The following PCNX2 variants were observed in gnomAD, a reference collection of about 807,000 sequenced individuals.
PCNX2 encodes the protein pecanex 2.
In PCNX2, 168 loss-of-function variants were observed where a neutral mutation model predicts 223.8. The observed-to-expected ratio is 0.75, with a 90% CI of 0.66 to 0.85. The LOEUF (loss-of-function observed/expected upper bound fraction) is 0.85, where lower values mean the gene tolerates loss of function less well. Among genes scored for constraint, PCNX2 ranks in the 40% least tolerant of loss-of-function variants. PCNX2 has a pLI of 0.00. For missense variants in PCNX2, 2,507 were observed against 2,675.5 expected (o/e 0.94, Z 1.39); for synonymous variants, 1,006 against 1,052.6 (o/e 0.96, Z 0.86).
rs777212395 is a variant in PCNX2, at chr1:232,983,596, C to T, written c.*708G>A. 2.0e-5 allele frequency: 3 copies of T among 152,218 alleles called. No homozygotes were observed. Among genetic ancestry groups the T allele is most frequent in the East Asian group, 1.9e-4 (1 of 5,200 alleles). The allele number at this position is 152,218 out of a possible 1,614,324, so 9.4% of individuals were successfully genotyped here. On this transcript the variant is annotated 3_prime_UTR_variant, in exon 34 of 34. Coordinates refer to ENST00000258229, the MANE Select transcript of PCNX2 (RefSeq NM_014801.4). Reference sequence around the variant, plus strand: ...TACAGTGAGGAGCATTGTGTGACTCCGCGGTGGATTTCCATGCACCGAATG... The same window carrying T: ...TACAGTGAGGAGCATTGTGTGACTCTGCGGTGGATTTCCATGCACCGAATG...
At chr1:233,155,100 T>C (rs1571983272) in intron 19 of PCNX2, among the ~76,000 whole-genome samples, 1 of 145,956 alleles carries the variant, frequency 6.9e-6, no homozygotes, top group Admixed American at 6.8e-5. Flanking sequence ...ATACAGAAAC[T>C]CGTTATGGGG....
chr1:233,294,783 C>T (rs1224715911), intron 1 of PCNX2, among the ~76,000 whole-genome samples: 1 of 152,102 alleles, frequency 6.6e-6, no homozygotes, highest in Non-Finnish European at 1.5e-5. Context: ...TTAGATTTAT[C>T]CATTATTATA....
the PCNX2 span, among the ~76,000 whole-genome samples, chr1:233,324,156 G>A: frequency 6.6e-6 from 1 of 152,214 alleles, no homozygotes. Context: ...TGAGAGAGGT[G>A]AGAAAGTTAG....
chr1:233,100,033 T>C (rs531212547), intron 21 of PCNX2, among the ~76,000 whole-genome samples: 2 of 152,324 alleles, frequency 1.3e-5, no homozygotes, highest in East Asian at 3.9e-4. Flanking sequence ...AAATGCATAA[T>C]AAACTTTACA....
intron 4 of PCNX2, 49 bp downstream of exon 4, chr1:233,261,236 C>T (rs763861629): frequency 2.3e-5 from 35 of 1,503,162 alleles, no homozygotes; most frequent in Non-Finnish European, 3.2e-5. Flanking sequence ...ATATTTCTCA[C>T]TTCACTGAGG....
intron 25 of PCNX2, among the ~76,000 whole-genome samples, chr1:233,043,314 T>A (rs1455220411): frequency 1.3e-5 from 2 of 152,188 alleles, no homozygotes; most frequent in African/African-American, 4.8e-5. Flanking sequence ...GGATTTACGA[T>A]CCAATAGATT....
chr1:233,067,565 C>A (rs1002377818), intron 23 of PCNX2, among the ~76,000 whole-genome samples: 11 of 151,822 alleles, frequency 7.2e-5, no homozygotes, highest in Non-Finnish European at 1.6e-4. Context: ...CCTTCACCTC[C>A]AGGGTTCAAG....
chr1:233,239,808 G>A (rs1658645115), intron 8 of PCNX2, among the ~76,000 whole-genome samples: 1 of 152,060 alleles, frequency 6.6e-6, no homozygotes, highest in African/African-American at 2.4e-5. Context: ...ATGCTTTTAT[G>A]CAAATGGTAT....
At chr1:232,987,735 A>G (rs1227031330) in intron 32 of PCNX2, among the ~76,000 whole-genome samples, 1 of 152,152 alleles carries the variant, frequency 6.6e-6, no homozygotes, top group Non-Finnish European at 1.5e-5. Flanking sequence ...CACATTACGA[A>G]GGGGATTCCA....
chr1:233,031,089 G>A (rs768881885), intron 25 of PCNX2, among the ~76,000 whole-genome samples: 30 of 152,174 alleles, frequency 2.0e-4, no homozygotes, highest in Non-Finnish European at 3.8e-4. Context: ...AGCTCATTTT[G>A]TGTATTTCCT....
intron 25 of PCNX2, among the ~76,000 whole-genome samples, chr1:233,043,963 G>T (rs1332794221): frequency 6.6e-6 from 1 of 151,400 alleles, no homozygotes; most frequent in South Asian, 2.1e-4. Context: ...TCTAGTTCTA[G>T]ATCCCTGAGG....
At chr1:233,211,486 C>A (rs1681814132) in intron 12 of PCNX2, among the ~76,000 whole-genome samples, 1 of 152,182 alleles carries the variant, frequency 6.6e-6, no homozygotes, top group Non-Finnish European at 1.5e-5. Flanking sequence ...TAATGTTTGT[C>A]TGGCCTTTCC....
intron 23 of PCNX2, chr1:233,065,647 G>A (rs375488851): frequency 6.6e-6 from 1 of 151,232 alleles, no homozygotes; most frequent in Non-Finnish European, 1.5e-5. Context: ...TTTGCCTCAC[G>A]TAGCCCAGAA....
intron 28 of PCNX2, 70 bp downstream of exon 28, chr1:233,014,595 G>T: frequency 1.6e-6 from 2 of 1,221,280 alleles, no homozygotes; most frequent in Non-Finnish European, 2.4e-6. Context: ...GGAAATGATT[G>T]ACAAAATCTG....
chr1:233,175,753 T>C (rs1679442561), intron 17 of PCNX2, among the ~76,000 whole-genome samples: 1 of 152,168 alleles, frequency 6.6e-6, no homozygotes, highest in Admixed American at 6.5e-5. Flanking sequence ...ACTTTTAACC[T>C]GCTTTTAAAT....
At chr1:233,151,970 C>T (rs552158698) in intron 19 of PCNX2, among the ~76,000 whole-genome samples, 25 of 152,350 alleles carry the variant, frequency 1.6e-4, no homozygotes, top group African/African-American at 5.8e-4. Flanking sequence ...GCAGAGGTAA[C>T]TGATTTCCAC....
chr1:233,101,901 TGTAGA>T (rs1275707323), intron 21 of PCNX2, among the ~76,000 whole-genome samples: 3 of 152,178 alleles, frequency 2.0e-5, no homozygotes, highest in Non-Finnish European at 4.4e-5. Context: ...TTCTGCCTGC[TGTAGA>T]GTAGATAAAA....
At chr1:233,265,453 A>G (rs2103003698) in intron 1 of PCNX2, among the ~76,000 whole-genome samples, 1 of 152,322 alleles carries the variant, frequency 6.6e-6, no homozygotes, top group East Asian at 1.9e-4. Context: ...GTGCTGGCTT[A>G]GACAATTATG....
At chr1:233,022,695 CTTT>C (rs372153367) in intron 26 of PCNX2, among the ~76,000 whole-genome samples, 8,271 of 128,258 alleles carry the variant, frequency 0.064, 538 homozygotes, top group African/African-American at 0.2. Context: ...CTTTTTCTTT[CTTT>C]TTTTTTTTTT....
Sources: gnomAD v4.1 joint callset for allele counts (sites outside exome capture counted in the v4.1 genomes callset) on GRCh38, gnomAD v4.1.1 for gene constraint, MANE v1.5 for transcripts, NCBI Gene and HGNC (gene_info 2026-07-23, HGNC 2026-07-21) for gene names.